The following RBFOX1 variants were observed in gnomAD, a reference collection of about 807,000 sequenced individuals.
RBFOX1 encodes the protein RNA binding protein fox-1 homolog 1.
RBFOX1 carries 8 observed loss-of-function variants against 57.7 expected under a neutral mutation model. That is an observed-to-expected ratio of 0.14 (90% CI 0.08 to 0.25). The LOEUF (loss-of-function observed/expected upper bound fraction) is 0.25, where lower values mean the gene tolerates loss of function less well. RBFOX1 is among the 10% of genes least tolerant of loss of function. RBFOX1 has a pLI of 1.00. For synonymous variants in RBFOX1, 326 were observed against 222.4 expected (o/e 1.47, Z -4.15); for missense variants, 611 against 548.5 (o/e 1.11, Z -1.14).
At chr16:6,959,677 C>A (rs1247057764) in intron 3 of RBFOX1, among the ~76,000 whole-genome samples, 1 of 152,096 alleles carries the variant, frequency 6.6e-6, no homozygotes, top group Non-Finnish European at 1.5e-5. Context: ...TGGCTCACAT[C>A]TGTAATCTCT....
At chr16:7,375,214 G>A (rs1037026572) in intron 4 of RBFOX1, among the ~76,000 whole-genome samples, 6 of 152,164 alleles carry the variant, frequency 3.9e-5, no homozygotes, top group Non-Finnish European at 8.8e-5. Context: ...GAAGTACATC[G>A]TTTCAGTGAC....
At chr16:7,702,012 C>G (rs922906196) in intron 14 of RBFOX1, among the ~76,000 whole-genome samples, 2 of 152,176 alleles carry the variant, frequency 1.3e-5, no homozygotes, top group Non-Finnish European at 2.9e-5. Flanking sequence ...CCTGTTGTCT[C>G]TCCATGTACC....
At chr16:7,704,648 G>C (rs767762754) in intron 14 of RBFOX1, among the ~76,000 whole-genome samples, 2 of 152,146 alleles carry the variant, frequency 1.3e-5, no homozygotes, top group Admixed American at 6.5e-5. Flanking sequence ...TGGAGTTCTC[G>C]TTCCAGGAGG....
At chr16:7,693,950 T>C (rs2077998972) in intron 14 of RBFOX1, among the ~76,000 whole-genome samples, 1 of 152,204 alleles carries the variant, frequency 6.6e-6, no homozygotes, top group Non-Finnish European at 1.5e-5. Flanking sequence ...CCAGGTCTTT[T>C]GGTTTTGAAA....
chr16:7,299,620 G>T (rs1057063150), intron 4 of RBFOX1, among the ~76,000 whole-genome samples: 4 of 152,250 alleles, frequency 2.6e-5, no homozygotes, highest in African/African-American at 9.6e-5. Context: ...CTCTGACTCA[G>T]TGTGGAGTGA....
At chr16:5,862,425 T>C (rs2057243204) in intron 3 of RBFOX1, among the ~76,000 whole-genome samples, 1 of 152,112 alleles carries the variant, frequency 6.6e-6, no homozygotes, top group Non-Finnish European at 1.5e-5. Flanking sequence ...GGGTCGCTTG[T>C]AGCACCGTTG....
chr16:5,611,591 C>A (rs1440388628), intron 3 of RBFOX1, among the ~76,000 whole-genome samples: 1 of 152,088 alleles, frequency 6.6e-6, no homozygotes, highest in Admixed American at 6.5e-5. Context: ...TTTTATAAAC[C>A]AGTATCAACA....
chr16:5,386,121 G>T (rs1460685152), intron 1 of RBFOX1, among the ~76,000 whole-genome samples: 2 of 148,598 alleles, frequency 1.3e-5, no homozygotes, highest in East Asian at 1.9e-4. Context: ...TTTTTTTTTG[G>T]AGGGGGAGTT....
intron 3 of RBFOX1, among the ~76,000 whole-genome samples, chr16:6,884,471 G>C (rs1052651878): frequency 4.6e-5 from 7 of 152,092 alleles, no homozygotes; most frequent in African/African-American, 1.7e-4. Flanking sequence ...ATTATTAGTG[G>C]CTACAAACTG....
chr16:5,383,990 A>G (rs1274531852), intron 1 of RBFOX1, among the ~76,000 whole-genome samples: 1 of 152,148 alleles, frequency 6.6e-6, no homozygotes, highest in African/African-American at 2.4e-5. Flanking sequence ...CTTCACTATC[A>G]GGAAGTCCCT....
chr16:6,794,805 C>G (rs146643719), intron 3 of RBFOX1, among the ~76,000 whole-genome samples: 2,272 of 152,194 alleles, frequency 0.015, 71 homozygotes, highest in African/African-American at 0.052. Flanking sequence ...GCAGATGGTA[C>G]ATGGATTTTT....
intron 3 of RBFOX1, among the ~76,000 whole-genome samples, chr16:5,684,291 G>A (rs1345956524): frequency 1.3e-5 from 2 of 152,044 alleles, no homozygotes; most frequent in Admixed American, 6.6e-5. Flanking sequence ...TGAACTAATA[G>A]GATATATATC....
rs138359848 is a variant in RBFOX1, at chr16:5,894,402, C to T, written c.351+27067C>T. ...GGTTCCAGTGATTCTCTTGCCTCAG[C>T]CTCCCAAGTAGCTGTCATGTACCAC... On this transcript the variant is annotated intron_variant, in intron 4 of 19. Transcript: ENST00000641259. Among the ~76,000 whole-genome samples, 470 of 152,120 alleles carry T rather than the reference C, an allele frequency of 3.1e-3. 3 individuals carry two copies. The highest frequency in any genetic ancestry group is 5.4e-3 in the Non-Finnish European group (366 of 67,992).
At chr16:5,581,547 G>A (rs899606626) in intron 2 of RBFOX1, among the ~76,000 whole-genome samples, 1 of 152,168 alleles carries the variant, frequency 6.6e-6, no homozygotes, top group Non-Finnish European at 1.5e-5. Context: ...CAGGGCTAAT[G>A]GGCATGATGC....
intron 4 of RBFOX1, among the ~76,000 whole-genome samples, chr16:7,374,280 C>A (rs1251191187): frequency 6.6e-6 from 1 of 152,160 alleles, no homozygotes; most frequent in Non-Finnish European, 1.5e-5. Flanking sequence ...CGTGTTTTCG[C>A]TGTGTAAGGG....
At chr16:7,236,665 C>A (rs140335018) in intron 4 of RBFOX1, among the ~76,000 whole-genome samples, 19 of 152,064 alleles carry the variant, frequency 1.2e-4, no homozygotes, top group Non-Finnish European at 2.5e-4. Flanking sequence ...TAGTTGTTTG[C>A]AGAAGTAATT....
intron 4 of RBFOX1, among the ~76,000 whole-genome samples, chr16:7,267,369 T>C (rs554870280): frequency 6.6e-6 from 1 of 151,802 alleles, no homozygotes; most frequent in African/African-American, 2.4e-5. Flanking sequence ...ACCCCGTCTC[T>C]ACTAAAAATA....
At chr16:6,827,732 C>G (rs1398815519) in intron 3 of RBFOX1, among the ~76,000 whole-genome samples, 3 of 152,130 alleles carry the variant, frequency 2.0e-5, no homozygotes, top group African/African-American at 7.2e-5. Context: ...ATGCTGATCC[C>G]CTACATGGAT....
intron 1 of RBFOX1, among the ~76,000 whole-genome samples, chr16:6,100,237 A>T (rs373210524): frequency 6.6e-6 from 1 of 151,804 alleles, no homozygotes; most frequent in Non-Finnish European, 1.5e-5. Flanking sequence ...ATCTCGGCTC[A>T]CTGCAAGCTC....
Sources: gnomAD v4.1 joint callset for allele counts (sites outside exome capture counted in the v4.1 genomes callset) on GRCh38, gnomAD v4.1.1 for gene constraint, MANE v1.5 for transcripts, NCBI Gene and HGNC (gene_info 2026-07-23, HGNC 2026-07-21) for gene names.